MAP3K2: variants seen among roughly 807,000 people sequenced by gnomAD.
MAP3K2 encodes mitogen-activated protein kinase kinase kinase 2, also known as MAP/ERK kinase kinase 2.
Under a neutral mutation model 80.3 loss-of-function variants are expected in MAP3K2, and 24 were observed. The observed-to-expected ratio is 0.30, with a 90% CI of 0.22 to 0.42. The LOEUF is 0.42. MAP3K2 is among the 10% of genes least tolerant of loss of function. MAP3K2 has a pLI of 1.00. For missense variants in MAP3K2, 608 were observed against 750.1 expected, an observed-to-expected ratio of 0.81 and a Z score of 2.21; for synonymous variants, 244 against 253.7, an observed-to-expected ratio of 0.96 and a Z score of 0.36.
At chr2:127,377,662 A>G (rs1687174191) in intron 1 of MAP3K2, among the ~76,000 whole-genome samples, 1 of 152,218 alleles carries the variant, frequency 6.6e-6, no homozygotes, top group African/African-American at 2.4e-5. Flanking sequence ...TAAAAATGTA[A>G]TATGAATTTT....
In MAP3K2 at chr2:127,300,689, C is replaced by T. The variant is rs1685575150; in HGVS notation, c.*6890G>A. The T allele has an allele frequency of 6.6e-6, 1 of 152,058 alleles. No individual in the cohort carries two copies. The highest frequency in any genetic ancestry group is 2.4e-5 in the African/African-American group (1 of 41,418). The allele number at this position is 152,058 out of a possible 1,614,324, so 9.4% of individuals were successfully genotyped here. A position where few individuals can be genotyped will look rare whatever the true frequency, so the allele number is the denominator to read the frequency against. On this transcript the variant is annotated 3_prime_UTR_variant, in exon 17 of 17. Coordinates refer to ENST00000682094, the MANE Select transcript of MAP3K2 (RefSeq NM_001371910.2). ...TTTACTAATTAAGATTGCATTAAAACAATTGTTGGTCTTTAAAGAAGTATT... is the reference window on the plus strand; with the variant it reads ...TTTACTAATTAAGATTGCATTAAAATAATTGTTGGTCTTTAAAGAAGTATT...
chr2:127,345,525 G>C (rs1353666579), intron 1 of MAP3K2, among the ~76,000 whole-genome samples: 1 of 152,144 alleles, frequency 6.6e-6, no homozygotes, highest in South Asian at 2.1e-4. Flanking sequence ...TAAACTACTA[G>C]GCTTAACAAA....
chr2:127,346,454 T>C (rs1433774652), intron 1 of MAP3K2, among the ~76,000 whole-genome samples: 2 of 143,362 alleles, frequency 1.4e-5, no homozygotes, highest in East Asian at 1.9e-4. Context: ...TCCCAATTCA[T>C]TGTGAAGCCA....
In MAP3K2 at chr2:127,322,942, C is replaced by G. The variant is rs2104822659; in HGVS notation, c.839-690G>C. On this transcript the variant is annotated intron_variant, in intron 11 of 16. Coordinates refer to ENST00000682094, the MANE Select transcript of MAP3K2 (RefSeq NM_001371910.2). The surrounding 1 kb of genome is among the most constrained non-coding windows in gnomAD (Gnocchi z 4.2). Reference sequence around the variant, plus strand: ...ATGATGTAAGTATCAATCTCATCATCAAAGAGTAATTTTCTAATATCATTT... The same window carrying G: ...ATGATGTAAGTATCAATCTCATCATGAAAGAGTAATTTTCTAATATCATTT... 6.6e-6 allele frequency among the ~76,000 whole-genome samples: 1 copy of G among 150,410 alleles called. No homozygotes were observed. Among genetic ancestry groups the G allele is most frequent in the South Asian group, 2.2e-4 (1 of 4,636 alleles).
intron 1 of MAP3K2, among the ~76,000 whole-genome samples, chr2:127,385,840 A>T (rs1301593702): frequency 6.6e-6 from 1 of 152,256 alleles, no homozygotes; most frequent in African/African-American, 2.4e-5. Flanking sequence ...AAAGTAAACT[A>T]GAAACAAAAG....
At chr2:127,340,622 A>G (rs987090423) in intron 2 of MAP3K2, among the ~76,000 whole-genome samples, 1 of 151,498 alleles carries the variant, frequency 6.6e-6, no homozygotes, top group Non-Finnish European at 1.5e-5. Flanking sequence ...GCACCACTGC[A>G]CTCCAGCCTG....
At chr2:127,385,258 C>T (rs1184617192) in intron 1 of MAP3K2, among the ~76,000 whole-genome samples, 1 of 152,180 alleles carries the variant, frequency 6.6e-6, no homozygotes, top group Non-Finnish European at 1.5e-5. Flanking sequence ...TCCCAAACTT[C>T]AACAACCACC....
intron 1 of MAP3K2, among the ~76,000 whole-genome samples, chr2:127,350,789 C>T (rs1397818209): frequency 6.7e-6 from 1 of 150,184 alleles, no homozygotes; most frequent in African/African-American, 2.5e-5. Context: ...AGAAAGCCAG[C>T]AGACAAAAAA....
Position 127,339,040 on chromosome 2 carries a change from T to C in MAP3K2, c.15A>G (p.Gln5=), listed in dbSNP as rs548862401. The stretch of plus-strand genomic sequence containing the variant: ...AATCTTGCATGATTGAGTTCAAAGC[T>C]TGCTGATCATCTAGGTAGTTTTGAA... The part of the protein sequence containing the change: MDDQ[Q]ALNSIMQDLA... Residue 5 remains glutamine, a synonymous_variant, in exon 3 of 17, where the codon CAA becomes CAG. Coordinates refer to ENST00000682094, the MANE Select transcript of MAP3K2 (RefSeq NM_001371910.2). The surrounding 1 kb of genome is among the most constrained non-coding windows in gnomAD (Gnocchi z 4.2). 12 of 1,605,522 alleles carry C rather than the reference T, an allele frequency of 7.5e-6. No individual in the cohort carries two copies. Among genetic ancestry groups the C allele is most frequent in the African/African-American group, 4.0e-5 (3 of 74,964 alleles).
chr2:127,314,952 T>C (rs1685873398), intron 14 of MAP3K2, 69 bp from the exon 15 acceptor site: 5 of 1,163,710 alleles, frequency 4.3e-6, no homozygotes, highest in Non-Finnish European at 6.1e-6. Context: ...TATTAAATCT[T>C]TATCAGTAAA....
chr2:127,377,005 G>A (rs1049340484), intron 1 of MAP3K2, among the ~76,000 whole-genome samples: 2 of 151,526 alleles, frequency 1.3e-5, no homozygotes, highest in African/African-American at 4.9e-5. Context: ...AGGATGCAGT[G>A]AGCAGTGATC....
At chr2:127,371,876 A>C (rs1252918486) in intron 1 of MAP3K2, among the ~76,000 whole-genome samples, 1 of 152,188 alleles carries the variant, frequency 6.6e-6, no homozygotes, top group Non-Finnish European at 1.5e-5. Context: ...ATTTGATAAA[A>C]ACGACAACTC....
rs537375443 is a variant in MAP3K2, at chr2:127,321,313, T to C, written c.1045+733A>G. Among the ~76,000 whole-genome samples, 11 of 152,284 alleles carry C rather than the reference T, an allele frequency of 7.2e-5. No homozygotes were observed. Among genetic ancestry groups the C allele is most frequent in the East Asian group, 3.9e-4 (2 of 5,184 alleles). ...TATAAAAATGAATAGACTGAAGATA[T>C]ATATAAAAGACATTTTTCTCTTATT... On this transcript the variant is annotated intron_variant, in intron 12 of 16. Transcript: ENST00000682094. The surrounding 1 kb of genome is among the most constrained non-coding windows in gnomAD (Gnocchi z 4.4).
intron 1 of MAP3K2, among the ~76,000 whole-genome samples, chr2:127,372,399 TA>T (rs1687080981): frequency 1.3e-5 from 2 of 152,166 alleles, no homozygotes; most frequent in Non-Finnish European, 2.9e-5. Flanking sequence ...ATGATCACCT[TA>T]AAAATTGGAA....
Position 127,366,866 on chromosome 2 carries a change from G to GTTTTT in MAP3K2, c.-66+20581_-66+20585dup, listed in dbSNP as rs367670762. Among the ~76,000 whole-genome samples, 130 of 85,104 alleles carry GTTTTT rather than the reference G, an allele frequency of 1.5e-3. 4 individuals are homozygous for GTTTTT. The highest frequency in any genetic ancestry group is 1.9e-3 in the Admixed American group (10 of 5,256). 55.8% of individuals were successfully genotyped at this position (85,104 alleles called of 152,430 possible). A position where few individuals can be genotyped will look rare whatever the true frequency, so the allele number is the denominator to read the frequency against. On this transcript the variant is annotated intron_variant, in intron 1 of 16. Coordinates refer to ENST00000682094, the MANE Select transcript of MAP3K2 (RefSeq NM_001371910.2). ...TTACTAAGCTGTCCCACAGTCAAGG[G>GTTTTT]TTTTTTTTTTTTTTTTTTTTTTTGA...
chr2:127,314,625 A>G (rs1685866091), intron 15 of MAP3K2, 129 bp downstream of exon 15: 3 of 738,412 alleles, frequency 4.1e-6, no homozygotes, highest in Non-Finnish European at 6.5e-6. Context: ...ATAAGAAAGC[A>G]AGAGAACTGT....
At chr2:127,320,376 G>A (rs1685993430) in intron 12 of MAP3K2, among the ~76,000 whole-genome samples, 2 of 152,060 alleles carry the variant, frequency 1.3e-5, no homozygotes, top group African/African-American at 2.4e-5. Flanking sequence ...ATAAATAGAT[G>A]CAACAAGGCT....
chr2:127,386,611 A>G (rs570482719), intron 1 of MAP3K2, among the ~76,000 whole-genome samples: 2 of 152,328 alleles, frequency 1.3e-5, no homozygotes, highest in South Asian at 4.1e-4. Flanking sequence ...GTGAGAGAAT[A>G]ATTTTTTTCT....
At chr2:127,308,396 A>G (rs1007061501) in intron 16 of MAP3K2, among the ~76,000 whole-genome samples, 189 bp downstream of exon 16, 2 of 152,254 alleles carry the variant, frequency 1.3e-5, no homozygotes, top group Non-Finnish European at 2.9e-5. Flanking sequence ...GGACAGGTTC[A>G]AGGATTCTAA....
Sources: gnomAD v4.1 joint callset for allele counts (sites outside exome capture counted in the v4.1 genomes callset) on GRCh38, gnomAD v4.1.1 for gene constraint, Gnocchi (gnomAD v3.1) non-coding constraint, MANE v1.5 for transcripts, NCBI Gene and HGNC (gene_info 2026-07-23, HGNC 2026-07-21) for gene names.